Variants in TMEM132E observed in about 807,000 individuals in gnomAD.
TMEM132E encodes the protein transmembrane protein 132E.
In TMEM132E, 49 loss-of-function variants were observed where a neutral mutation model predicts 78.5. The ratio of observed to expected loss-of-function variants is 0.62; its 90% CI spans 0.50 to 0.79. The LOEUF (loss-of-function observed/expected upper bound fraction) is 0.79, where lower values mean the gene tolerates loss of function less well. TMEM132E is among the 30% of genes least tolerant of loss of function. The pLI is 0.00. For synonymous variants in TMEM132E, 715 were observed against 670.6 expected (o/e 1.07, Z -1.02); for missense variants, 1,403 against 1,470.9 (o/e 0.95, Z 0.75).
chr17:34,583,234 G>A (rs766160920), intron 1 of TMEM132E, among the ~76,000 whole-genome samples: 19 of 152,346 alleles, frequency 1.2e-4, no homozygotes, highest in South Asian at 4.1e-4. Flanking sequence ...GCAGAAAGAA[G>A]GTATTTGAGG....
At chr17:34,582,514 AGG>A (rs34545022) in intron 1 of TMEM132E, among the ~76,000 whole-genome samples, 1 of 151,222 alleles carries the variant, frequency 6.6e-6, no homozygotes, top group East Asian at 2.0e-4. Flanking sequence ...AGGTAACACC[AGG>A]GGGGGTTGTT....
chr17:34,589,699 G>A (rs747028850), intron 1 of TMEM132E, among the ~76,000 whole-genome samples: 6 of 152,068 alleles, frequency 3.9e-5, no homozygotes, highest in East Asian at 1.9e-4. Context: ...GCCTGTTGCC[G>A]TTCTATGTCT....
Position 34,636,188 on chromosome 17 carries a change from T to C in TMEM132E, c.2159T>C (p.Phe720Ser). 1 of 1,502,188 alleles carries C rather than the reference T, an allele frequency of 6.7e-7. No homozygotes were observed. The highest frequency in any genetic ancestry group is 1.3e-5 in the South Asian group (1 of 76,108). 93.1% of individuals were successfully genotyped at this position (1,502,188 alleles called of 1,614,324 possible). Residue 720 changes from phenylalanine to serine, a missense_variant, in exon 8 of 9, where the codon TTC (phenylalanine) becomes TCC (serine). Physicochemically the swap from Phe to Ser is radical, Grantham distance 155. This residue lies in a region of TMEM132E where 888 missense variants were observed against 952.8 expected (regional missense o/e 0.93). Coordinates refer to ENST00000631683, the MANE Select transcript of TMEM132E (RefSeq NM_001304438.2). ...ACAGCTGCCCAACAGACCTTGAGCT[T>C]CCTCAAGCAGGTAACTGGCTCCTTG... ...ATTAAQQTLS[F>S]LKQEALLSLW... is the part of the protein sequence containing the mutation.
chr17:34,583,447 A>G (rs983765682), intron 1 of TMEM132E, among the ~76,000 whole-genome samples: 1 of 152,158 alleles, frequency 6.6e-6, no homozygotes, highest in African/African-American at 2.4e-5. Context: ...AAATCCCCCC[A>G]CAATAAAACC....
In TMEM132E at chr17:34,628,696, C is replaced by A. The variant is rs751481389; in HGVS notation, c.1132C>A (p.Pro378Thr). The A allele has an allele frequency of 2.5e-6, 4 of 1,599,888 alleles. No individual in the cohort carries two copies. The Admixed American group carries it at 5.2e-5, about 21-fold the overall frequency. ...GGATGTGGCCTGGGCTCAGAGCACA[C>A]CCCTGCCCCCCAGGTGAGCCCGAGG... ...TVDVAWAQSTPLPPREGQGPL... is the reference protein window; with the variant it reads ...TVDVAWAQSTTLPPREGQGPL... The change falls in exon 3 of 9, where the codon CCC (proline) becomes ACC (threonine). Residue 378 changes from proline (P) to threonine (T), a missense_variant. By Grantham distance (38) the Pro-to-Thr change is conservative. Transcript: ENST00000631683.
chr17:34,591,468 G>A (rs1436338972), intron 1 of TMEM132E, among the ~76,000 whole-genome samples: 1 of 152,162 alleles, frequency 6.6e-6, no homozygotes, highest in Non-Finnish European at 1.5e-5. Flanking sequence ...ATCATACCTG[G>A]CTAACTTTTA....
intron 1 of TMEM132E, among the ~76,000 whole-genome samples, chr17:34,600,421 A>T (rs970809901): frequency 3.2e-5 from 3 of 95,010 alleles, no homozygotes; most frequent in African/African-American, 1.3e-4. Flanking sequence ...GTTTGAGCGT[A>T]TATGAGTGTG....
intron 7 of TMEM132E, chr17:34,635,747 T>G: frequency 8.3e-6 from 3 of 362,132 alleles, no homozygotes; most frequent in East Asian, 4.1e-5. Flanking sequence ...CATGCGGGGG[T>G]TGTTGTTTTC....
intron 1 of TMEM132E, among the ~76,000 whole-genome samples, chr17:34,604,981 G>A (rs1906364876): frequency 6.6e-6 from 1 of 152,158 alleles, no homozygotes; most frequent in African/African-American, 2.4e-5. Flanking sequence ...TTCAAAGCCA[G>A]GTTTATCTGA....
chr17:34,590,674 C>T (rs1398376654), intron 1 of TMEM132E, among the ~76,000 whole-genome samples: 1 of 152,072 alleles, frequency 6.6e-6, no homozygotes, highest in East Asian at 1.9e-4. Context: ...GCCAAAATGC[C>T]TGTGAAGAAA....
rs199689726 is a variant in TMEM132E, at chr17:34,634,826, T to G, written c.1716T>G (p.Asp572Glu). ...CAGTCCGGGAAAGCGAGGATGAGGA[T>G]GAGGAGGAGGAGGAGCGGCGGCAGA... ...RRSVRESEDE[D>E]EEEEERRQSA... The change falls in exon 7 of 9, where the codon GAT (aspartate) becomes GAG (glutamate). Residue 572 changes from aspartate to glutamate, a missense_variant. By Grantham distance (45) the Asp-to-Glu change is conservative (BLOSUM62 2). Coordinates refer to ENST00000631683, the MANE Select transcript of TMEM132E (RefSeq NM_001304438.2). 1.7e-5 allele frequency: 27 copies of G among 1,613,424 alleles called. No homozygotes were observed. The highest frequency in any genetic ancestry group is 5.3e-5 in the African/African-American group (4 of 74,794).
chr17:34,620,235 C>T (rs945067092), intron 1 of TMEM132E, among the ~76,000 whole-genome samples: 1 of 152,180 alleles, frequency 6.6e-6, no homozygotes, highest in African/African-American at 2.4e-5. Flanking sequence ...CTCCCAGACA[C>T]CTAAGGCAAG....
Position 34,638,288 on chromosome 17 carries a change from G to T in TMEM132E, c.*56G>T. On this transcript the variant is annotated 3_prime_UTR_variant, in exon 9 of 9. Transcript: ENST00000631683. The stretch of plus-strand genomic sequence containing the variant: ...CCCCCAACGGGGTCAGCTCGGGGTA[G>T]GACACAGCCGGGACCCCGGTTCACA... The T allele has an allele frequency of 6.9e-7, 1 of 1,446,298 alleles. No homozygotes were observed. Among genetic ancestry groups the T allele is most frequent in the East Asian group, 2.5e-5 (1 of 40,302 alleles). The allele number at this position is 1,446,298 out of a possible 1,614,324, so 89.6% of individuals were successfully genotyped here.
intron 1 of TMEM132E, among the ~76,000 whole-genome samples, chr17:34,581,605 T>C (rs1458928008): frequency 6.6e-6 from 1 of 150,578 alleles, no homozygotes; most frequent in African/African-American, 2.4e-5. Context: ...GTCGCCTCGC[T>C]TCCTGCGGCG....
At chr17:34,594,525 T>C (rs1270670190) in intron 1 of TMEM132E, among the ~76,000 whole-genome samples, 1 of 152,220 alleles carries the variant, frequency 6.6e-6, no homozygotes, top group African/African-American at 2.4e-5. Context: ...AGTTAATGCA[T>C]GTAAAGTGCT....
rs1262145939 is a variant in TMEM132E at position 34,638,146 on chromosome 17, G to T, written c.3139G>T (p.Gly1047Cys). 6.2e-7 allele frequency: 1 copy of T among 1,610,130 alleles called. No individual in the cohort carries two copies. The highest frequency in any genetic ancestry group is 1.1e-5 in the South Asian group (1 of 90,474). ...DEEEEEDLGW[G>C]CPDVAGPTRP... ...GGAGGAGGAAGAGGACCTGGGTTGGGGCTGCCCGGATGTGGCGGGCCCCAC... is the reference window on the plus strand; with the variant it reads ...GGAGGAGGAAGAGGACCTGGGTTGGTGCTGCCCGGATGTGGCGGGCCCCAC... Residue 1047 changes from glycine (G) to cysteine (C), a missense_variant, in exon 9 of 9, where the codon GGC becomes TGC. Physicochemically the swap from Gly to Cys is radical, Grantham distance 159 (BLOSUM62 -3). This residue lies in a region of TMEM132E where 888 missense variants were observed against 952.8 expected (regional missense o/e 0.93). Transcript: ENST00000631683.
At position 34,626,805 on chromosome 17, in the gene TMEM132E, G is replaced by C; in HGVS notation, c.746G>C (p.Arg249Pro). 6.6e-7 allele frequency: 1 copy of C among 1,523,928 alleles called. No individual in the cohort carries two copies. The highest frequency in any genetic ancestry group is 2.0e-5 in the Admixed American group (1 of 50,364). The allele number at this position is 1,523,928 out of a possible 1,614,324, so 94.4% of individuals were successfully genotyped here. Residue 249 changes from arginine (R) to proline (P), a missense_variant, in exon 2 of 9, where the codon CGC becomes CCC. Physicochemically the swap from Arg to Pro is moderately radical, Grantham distance 103 (BLOSUM62 -2). Transcript: ENST00000631683. ...PDASGGCGGS[R>P]RGAGPGVGAR... Reference sequence around the variant, plus strand: ...GCGTCGGGGGGCTGCGGGGGCTCCCGCCGGGGGGCCGGGCCCGGGGTGGGG... The same window carrying C: ...GCGTCGGGGGGCTGCGGGGGCTCCCCCCGGGGGGCCGGGCCCGGGGTGGGG...
chr17:34,631,990 G>A (rs1168029432), intron 5 of TMEM132E, among the ~76,000 whole-genome samples: 1 of 152,218 alleles, frequency 6.6e-6, no homozygotes, highest in Non-Finnish European at 1.5e-5. Flanking sequence ...CAGCAGGCAT[G>A]TGGTTTCCAT....
chr17:34,623,512 C>T (rs1022594109), intron 1 of TMEM132E, among the ~76,000 whole-genome samples: 1 of 152,098 alleles, frequency 6.6e-6, no homozygotes, highest in Non-Finnish European at 1.5e-5. Context: ...CCCACCTTGG[C>T]CTCAGCACTC....
Sources: allele counts gnomAD v4.1 joint callset (sites outside exome capture counted in the v4.1 genomes callset), GRCh38; gene constraint gnomAD v4.1.1; regional missense constraint gnomAD v4.1.1; transcripts MANE v1.5; gene names NCBI Gene and HGNC (gene_info 2026-07-23, HGNC 2026-07-21).